Variants in KCNIP4 observed in about 807,000 individuals in gnomAD.
The protein encoded by KCNIP4 is potassium voltage-gated channel interacting protein 4, also known as Kv channel-interacting protein 4.
Under a neutral mutation model 34.0 loss-of-function variants are expected in KCNIP4, and 12 were observed. The ratio of observed to expected loss-of-function variants is 0.35; its 90% CI spans 0.23 to 0.57. KCNIP4 has a LOEUF of 0.57. KCNIP4 is among the 20% of genes least tolerant of loss of function. The pLI is 0.83. For synonymous variants in KCNIP4, 124 were observed against 102.2 expected (o/e 1.21, Z -1.29); for missense variants, 238 against 311.7 (o/e 0.76, Z 1.78).
chr4:20,850,037 G>A (rs1359720383), intron 3 of KCNIP4, among the ~76,000 whole-genome samples: 2 of 152,162 alleles, frequency 1.3e-5, no homozygotes, highest in Admixed American at 1.3e-4. Flanking sequence ...AGGGTCATCT[G>A]CACACCTGGA....
intron 1 of KCNIP4, among the ~76,000 whole-genome samples, chr4:21,150,790 C>T (rs1163957714): frequency 6.6e-6 from 1 of 152,164 alleles, no homozygotes; most frequent in Admixed American, 6.5e-5. Flanking sequence ...GACTATCGGT[C>T]TTAATATGCA....
intron 1 of KCNIP4, among the ~76,000 whole-genome samples, chr4:21,331,570 T>C (rs1715639721): frequency 6.6e-6 from 1 of 152,160 alleles, no homozygotes; most frequent in Admixed American, 6.6e-5. Flanking sequence ...ATTTATTCAC[T>C]AGTTTGCTCA....
intron 1 of KCNIP4, among the ~76,000 whole-genome samples, chr4:21,779,101 A>G (rs759085289): frequency 2.0e-5 from 3 of 152,006 alleles, no homozygotes; most frequent in African/African-American, 4.8e-5. Context: ...TTTATCTACC[A>G]TAAGGGATTC....
At chr4:21,025,571 T>TTG (rs1740482391) in intron 1 of KCNIP4, among the ~76,000 whole-genome samples, 1 of 141,436 alleles carries the variant, frequency 7.1e-6, no homozygotes, top group Non-Finnish European at 1.5e-5. Context: ...TTTTTTTTTT[T>TTG]GAGACGGAGT....
At chr4:21,172,706 A>T (rs1158282859) in intron 1 of KCNIP4, among the ~76,000 whole-genome samples, 1 of 152,166 alleles carries the variant, frequency 6.6e-6, no homozygotes, top group East Asian at 1.9e-4. Flanking sequence ...GGCATTTATA[A>T]AGCCCCACTC....
chr4:20,854,920 T>A lies in KCNIP4; in HGVS notation c.164-4253A>T, dbSNP rs138774164. 9.8e-5 allele frequency among the ~76,000 whole-genome samples: 15 copies of A among 152,316 alleles called. No individual in the cohort carries two copies. In the East Asian group the frequency reaches 2.9e-3, roughly 29 times the overall value. ...TGTTTACGCTATAATTTCTCAAAGA[T>A]GTTTTATGCAAAAAGGAATTTTGTG... is the stretch of plus-strand genomic sequence containing the variant. On this transcript the variant is annotated intron_variant, in intron 2 of 8. Transcript: ENST00000382152.
rs183825282 is a variant in KCNIP4, at chr4:21,869,337, C to T, written c.61+79234G>A. Reference sequence around the variant, plus strand: ...TTTATTCTCCAGAGCACATCCTCTACCCAGTAGGCTCCTAGAAGGTTGAGA... The same window carrying T: ...TTTATTCTCCAGAGCACATCCTCTATCCAGTAGGCTCCTAGAAGGTTGAGA... On this transcript the variant is annotated intron_variant, in intron 1 of 8. Coordinates refer to ENST00000382152, the MANE Select transcript of KCNIP4 (RefSeq NM_025221.6). Among the ~76,000 whole-genome samples the T allele has an allele frequency of 1.1e-4, 17 of 152,254 alleles. No individual in the cohort carries two copies. The East Asian group carries it at 3.1e-3, about 28-fold the overall frequency.
At chr4:20,817,108 G>C (rs537522437) in intron 3 of KCNIP4, among the ~76,000 whole-genome samples, 3 of 152,032 alleles carry the variant, frequency 2.0e-5, no homozygotes, top group Non-Finnish European at 2.9e-5. Flanking sequence ...TGTCACAAAG[G>C]TTCAGTCAAT....
chr4:20,766,390 AC>A, intron 3 of KCNIP4, among the ~76,000 whole-genome samples: 2 of 152,146 alleles, frequency 1.3e-5, no homozygotes, highest in Middle Eastern at 6.8e-3. Flanking sequence ...ACATGGTGAA[AC>A]CCTGTCTGTA....
chr4:21,809,461 G>A (rs562520074), intron 1 of KCNIP4, among the ~76,000 whole-genome samples: 18 of 152,210 alleles, frequency 1.2e-4, no homozygotes, highest in African/African-American at 3.4e-4. Context: ...TCCATAATAC[G>A]TGATCTAATT....
chr4:21,478,181 G>C (rs1409195186), intron 1 of KCNIP4, among the ~76,000 whole-genome samples: 1 of 151,972 alleles, frequency 6.6e-6, no homozygotes, highest in Admixed American at 6.6e-5. Context: ...ATTTCCCAAT[G>C]TTGAACCATT....
At chr4:21,486,192 G>A (rs1731897689) in intron 1 of KCNIP4, among the ~76,000 whole-genome samples, 2 of 152,048 alleles carry the variant, frequency 1.3e-5, no homozygotes, top group Admixed American at 6.6e-5. Context: ...AATCTTGCTG[G>A]GTGATACTGC....
intron 1 of KCNIP4, among the ~76,000 whole-genome samples, chr4:21,534,963 C>G (rs868848943): frequency 6.6e-6 from 1 of 152,112 alleles, no homozygotes; most frequent in Non-Finnish European, 1.5e-5. Flanking sequence ...AATGCTGTAT[C>G]GTTCCTCTCC....
At chr4:21,216,768 A>ACTGTCCTAAACC (rs1757611372) in intron 1 of KCNIP4, among the ~76,000 whole-genome samples, 1 of 152,170 alleles carries the variant, frequency 6.6e-6, no homozygotes, top group Non-Finnish European at 1.5e-5. Flanking sequence ...TTATAAGAAG[A>ACTGTCCTAAACC]CTGTCCTAAA....
At chr4:21,780,430 A>G (rs1577978698) in intron 1 of KCNIP4, among the ~76,000 whole-genome samples, 1 of 152,028 alleles carries the variant, frequency 6.6e-6, no homozygotes, top group Non-Finnish European at 1.5e-5. Flanking sequence ...GTGACCCACC[A>G]CCTCCACCAC....
intron 2 of KCNIP4, among the ~76,000 whole-genome samples, chr4:20,864,444 A>G (rs1288978036): frequency 6.6e-6 from 1 of 151,866 alleles, no homozygotes; most frequent in East Asian, 1.9e-4. Context: ...CCATCAGCGT[A>G]CTATAAATGC....
intron 1 of KCNIP4, among the ~76,000 whole-genome samples, chr4:21,246,448 A>G (rs1180631567): frequency 2.6e-5 from 4 of 152,216 alleles, no homozygotes; most frequent in Non-Finnish European, 5.9e-5. Flanking sequence ...CATTTGAACC[A>G]TTACTGCAAA....
intron 1 of KCNIP4, among the ~76,000 whole-genome samples, chr4:21,045,945 T>C (rs1426121713): frequency 6.6e-6 from 1 of 152,184 alleles, no homozygotes; most frequent in Non-Finnish European, 1.5e-5. Flanking sequence ...GAGACATTAA[T>C]GGGATTTTTT....
chr4:21,525,992 AT>A (rs561272334), intron 1 of KCNIP4, among the ~76,000 whole-genome samples: 3 of 152,084 alleles, frequency 2.0e-5, no homozygotes, highest in East Asian at 1.9e-4. Flanking sequence ...ACATTATCCA[AT>A]TTTTTTTAAC....
Sources: gnomAD v4.1 joint callset for allele counts (sites outside exome capture counted in the v4.1 genomes callset) on GRCh38, gnomAD v4.1.1 for gene constraint, MANE v1.5 for transcripts, NCBI Gene and HGNC (gene_info 2026-07-23, HGNC 2026-07-21) for gene names.